The following PROX1 variants were observed in gnomAD, a reference collection of about 807,000 sequenced individuals.
PROX1 encodes the protein prospero homeobox 1.
In PROX1, 7 loss-of-function variants were observed where a neutral mutation model predicts 58.8. The observed-to-expected ratio is 0.12, with a 90% CI of 0.07 to 0.22. The LOEUF is 0.22. Ranked by LOEUF, PROX1 falls within the 10% of genes least tolerant of loss-of-function variation. PROX1 has a pLI of 1.00. For missense variants in PROX1, 675 were observed against 927.8 expected (o/e 0.73, Z 3.54); for synonymous variants, 350 against 358.3 (o/e 0.98, Z 0.26).
chr1:213,986,411 A>G (rs2102670749), upstream of PROX1: 1 of 152,286 alleles, frequency 6.6e-6, no homozygotes, highest in South Asian at 2.1e-4. Context: ...ATAGACTCGG[A>G]CATACTAACA....
intron 4 of PROX1, among the ~76,000 whole-genome samples, chr1:214,025,240 C>T (rs1359246001): frequency 3.9e-5 from 6 of 152,304 alleles, no homozygotes; most frequent in South Asian, 2.1e-4. Context: ...TTAACTCCAT[C>T]GGGGGAATGG....
At chr1:214,034,274 G>A (rs1053718218) in intron 4 of PROX1, among the ~76,000 whole-genome samples, 4 of 152,130 alleles carry the variant, frequency 2.6e-5, no homozygotes, top group Non-Finnish European at 5.9e-5. Flanking sequence ...CACCCAAGGT[G>A]GGAAGAAAGA....
intron 4 of PROX1, among the ~76,000 whole-genome samples, chr1:214,023,833 G>A (rs889218699): frequency 1.3e-5 from 2 of 152,170 alleles, no homozygotes; most frequent in Non-Finnish European, 2.9e-5. Flanking sequence ...TCAGTAAAAG[G>A]TAATGTATTC....
rs1664818693 is a variant in PROX1, at chr1:214,036,056, C to T, written c.*222C>T. On this transcript the variant is annotated 3_prime_UTR_variant, in exon 5 of 5. Coordinates refer to ENST00000366958, the MANE Select transcript of PROX1 (RefSeq NM_001270616.2). ...TTTCTGCCTTTAGTTTGCTTTTGCC[C>T]AAGGCCCTTAACATTTGGACACTTA... 1 of 389,916 alleles carries T rather than the reference C, an allele frequency of 2.6e-6. No individual in the cohort carries two copies. 24.2% of individuals were successfully genotyped at this position (389,916 alleles called of 1,614,324 possible). A position where few individuals can be genotyped will look rare whatever the true frequency, so the allele number is the denominator to read the frequency against.
At chr1:214,008,114 C>A (rs1454543603) in intron 3 of PROX1, among the ~76,000 whole-genome samples, 1 of 151,906 alleles carries the variant, frequency 6.6e-6, no homozygotes, top group Non-Finnish European at 1.5e-5. Flanking sequence ...TGCAATGGTG[C>A]AATCTCAGCT....
intron 4 of PROX1, among the ~76,000 whole-genome samples, chr1:214,026,189 AC>A (rs1664452370): frequency 6.6e-6 from 1 of 152,192 alleles, no homozygotes; most frequent in South Asian, 2.1e-4. Context: ...ACTTTTTAAG[AC>A]CTATGCAGAG....
In PROX1 at chr1:214,038,420, T is replaced by C. The variant is rs937660657; in HGVS notation, c.*2586T>C. ...TTTTTTTTAATCACCATCTTTCAAA[T>C]CTTAGCTCAACTCTCACCAAGTGAA... On this transcript the variant is annotated 3_prime_UTR_variant, in exon 5 of 5. Coordinates refer to ENST00000366958, the MANE Select transcript of PROX1 (RefSeq NM_001270616.2). 6.6e-6 allele frequency: 1 copy of C among 151,972 alleles called. No homozygotes were observed. The highest frequency in any genetic ancestry group is 2.4e-5 in the African/African-American group (1 of 41,360). 9.4% of individuals were successfully genotyped at this position (151,972 alleles called of 1,614,324 possible). A position where few individuals can be genotyped will look rare whatever the true frequency, so the allele number is the denominator to read the frequency against.
rs765530168 is a variant in PROX1 at position 213,997,093 on chromosome 1, C to T, written c.558C>T (p.Gly186=). 6.2e-7 allele frequency: 1 copy of T among 1,613,684 alleles called. No homozygotes were observed. The highest frequency in any genetic ancestry group is 8.5e-7 in the Non-Finnish European group (1 of 1,179,890). The part of the protein sequence containing the change: ...MSHSPSVALR[G]NENEREMAPQ... ...ATTCCCCCAGTGTGGCATTAAGGGG[C>T]AATGAAAATGAAAGAGAGATGGCCC... Residue 186 remains glycine, a synonymous_variant, in exon 2 of 5, where the codon GGC becomes GGT. Coordinates refer to ENST00000366958, the MANE Select transcript of PROX1 (RefSeq NM_001270616.2). This position sits in a 1 kb window ranked among gnomAD's most constrained non-coding sequence, Gnocchi z 7.1.
At chr1:214,016,578 C>T (rs1410615836) in intron 4 of PROX1, among the ~76,000 whole-genome samples, 1 of 152,196 alleles carries the variant, frequency 6.6e-6, no homozygotes, top group Admixed American at 6.5e-5. Context: ...CATTTCTTCC[C>T]TTGCCAGTCC....
intron 4 of PROX1, among the ~76,000 whole-genome samples, chr1:214,031,537 TTGAC>T (rs1664658202): frequency 6.6e-6 from 1 of 152,144 alleles, no homozygotes; most frequent in South Asian, 2.1e-4. Flanking sequence ...AGTGACTTGA[TTGAC>T]TGTTACCACC....
chr1:214,009,436 C>T (rs1436569764), intron 3 of PROX1, among the ~76,000 whole-genome samples: 3 of 152,140 alleles, frequency 2.0e-5, no homozygotes, highest in African/African-American at 7.2e-5. Context: ...ACTTTTTCTC[C>T]CCCAGTGTGA....
intron 4 of PROX1, 81 bp from the exon 5 acceptor site, chr1:214,035,568 A>G: frequency 7.1e-7 from 1 of 1,409,144 alleles, no homozygotes; most frequent in Non-Finnish European, 9.6e-7. Flanking sequence ...TGCAAGAATG[A>G]TCTTAGCTCA....
chr1:213,985,391 C>G (rs1365107312), upstream of PROX1: 1 of 152,374 alleles, frequency 6.6e-6, no homozygotes, highest in Admixed American at 6.5e-5. Flanking sequence ...GTACGCCTCC[C>G]CGACAGTAGA....
In PROX1 at chr1:213,996,504, GC is replaced by G. The variant is rs1386974554; in HGVS notation, c.-31del. On this transcript the variant is annotated 5_prime_UTR_variant, in exon 2 of 5. Transcript: ENST00000366958. Reference sequence around the variant, plus strand: ...TTCTTGAGCTGTGCCCAGCTGACGAGCTTTTGAAGATGGCACAATAACCGTC... The same window carrying G: ...TTCTTGAGCTGTGCCCAGCTGACGAGTTTTGAAGATGGCACAATAACCGTC... The G allele has an allele frequency of 6.3e-7, 1 of 1,583,814 alleles. No homozygotes were observed. Among genetic ancestry groups the G allele is most frequent in the Non-Finnish European group, 8.6e-7 (1 of 1,162,024 alleles).
chr1:214,024,060 C>G (rs969106799), intron 4 of PROX1, among the ~76,000 whole-genome samples: 12 of 152,138 alleles, frequency 7.9e-5, no homozygotes, highest in African/African-American at 2.9e-4. Context: ...CTGAAACTGC[C>G]TTTCAACAAG....
chr1:214,030,185 T>TA (rs932357998), intron 4 of PROX1: 77 of 150,776 alleles, frequency 5.1e-4, no homozygotes, highest in Non-Finnish European at 9.0e-4. Flanking sequence ...TTTTATAGTA[T>TA]AAAAAAAAAT....
At chr1:213,983,299 C>T (rs752040048), upstream of PROX1, 3 of 152,380 alleles carry the variant, frequency 2.0e-5, no homozygotes, top group African/African-American at 4.8e-5. Flanking sequence ...TCGGGAAGCA[C>T]ACGTGCCCTG....
intron 3 of PROX1, among the ~76,000 whole-genome samples, chr1:214,007,192 G>C (rs1342939603): frequency 1.3e-5 from 2 of 152,148 alleles, no homozygotes; most frequent in Non-Finnish European, 2.9e-5. Context: ...ATTCAGCTTT[G>C]CAAATAACCA....
intron 4 of PROX1, among the ~76,000 whole-genome samples, chr1:214,022,529 C>T (rs1300953934): frequency 6.6e-6 from 1 of 152,166 alleles, no homozygotes; most frequent in African/African-American, 2.4e-5. Flanking sequence ...TTCACAAGAG[C>T]AAGTGTTCCT....
Sources: allele counts gnomAD v4.1 joint callset (sites outside exome capture counted in the v4.1 genomes callset), GRCh38; gene constraint gnomAD v4.1.1; non-coding constraint Gnocchi (gnomAD v3.1); transcripts MANE v1.5; gene names NCBI Gene and HGNC (gene_info 2026-07-23, HGNC 2026-07-21).